Variants in ADAMTSL1 observed in about 807,000 individuals in gnomAD.
The protein encoded by ADAMTSL1 is ADAMTS like 1.
A neutral mutation model predicts 201.8 loss-of-function variants in ADAMTSL1; 126 were observed. The ratio of observed to expected loss-of-function variants is 0.62; its 90% confidence interval spans 0.54 to 0.72. The LOEUF (loss-of-function observed/expected upper bound fraction) is 0.72. Ranked by LOEUF, ADAMTSL1 falls within the 30% of genes least tolerant of loss-of-function variation. The probability of loss-of-function intolerance (pLI) is 0.00; values close to 1 mark genes in which losing one functional copy is unlikely to be tolerated. For synonymous variants in ADAMTSL1, 1,121 were observed against 903.4 expected (o/e 1.24, Z -4.32); for missense variants, 2,679 against 2,277.8 (o/e 1.18, Z -3.59).
rs1260092313 is a variant in ADAMTSL1, at chr9:18,099,349, ATATATATTTTT to A, written c.88-64511_88-64501del. On this transcript the variant is annotated intron_variant, in intron 1 of 29. Transcript: ENST00000680146. ...AAAATATATATATATATATATATAT[ATATATATTTTT>A]TTTTTTTTTTTTAACATCCATTAAT... Among the ~76,000 whole-genome samples, 6 of 49,298 alleles carry A rather than the reference ATATATATTTTT, an allele frequency of 1.2e-4. No individual in the cohort carries two copies. In the South Asian group the frequency reaches 2.8e-3, roughly 23 times the overall value. 32.3% of individuals were successfully genotyped at this position (49,298 alleles called of 152,430 possible).
intron 1 of ADAMTSL1, among the ~76,000 whole-genome samples, chr9:18,149,210 C>T (rs781387121): frequency 2.0e-5 from 3 of 151,814 alleles, no homozygotes; most frequent in Admixed American, 6.6e-5. Context: ...TCAGACTTAC[C>T]GAGATAATGT....
chr9:18,835,140 G>C (rs1825234990), intron 23 of ADAMTSL1, among the ~76,000 whole-genome samples: 1 of 152,048 alleles, frequency 6.6e-6, no homozygotes, highest in Non-Finnish European at 1.5e-5. Context: ...ACTGTAGTTG[G>C]TCTTTTGCAT....
intron 10 of ADAMTSL1, among the ~76,000 whole-genome samples, 178 bp from the exon 11 acceptor site, chr9:18,680,134 T>C (rs1279194888): frequency 1.3e-5 from 2 of 152,224 alleles, no homozygotes; most frequent in Admixed American, 1.3e-4. Context: ...TTTGCCAATG[T>C]TGAATCCTTC....
At chr9:18,107,155 G>T (rs1333454125) in intron 1 of ADAMTSL1, among the ~76,000 whole-genome samples, 1 of 152,138 alleles carries the variant, frequency 6.6e-6, no homozygotes, top group Admixed American at 6.6e-5. Context: ...TGTCATGAGG[G>T]TATAGTGGGC....
At chr9:18,843,514 T>G (rs1825871022) in intron 23 of ADAMTSL1, among the ~76,000 whole-genome samples, 2 of 150,652 alleles carry the variant, frequency 1.3e-5, no homozygotes, top group African/African-American at 5.0e-5. Context: ...TTATGTGTCT[T>G]GGAGTTGCTC....
chr9:18,839,456 CAT>C (rs1825570223), intron 23 of ADAMTSL1, among the ~76,000 whole-genome samples: 1 of 152,074 alleles, frequency 6.6e-6, no homozygotes, highest in Admixed American at 6.6e-5. Flanking sequence ...GGCTTGGTTC[CAT>C]GTCTTTGCTA....
At chr9:18,651,939 C>T (rs1022148021) in intron 7 of ADAMTSL1, among the ~76,000 whole-genome samples, 1 of 148,968 alleles carries the variant, frequency 6.7e-6, no homozygotes, top group African/African-American at 2.4e-5. Flanking sequence ...CTTCATTTAG[C>T]AGATGATTGA....
intron 1 of ADAMTSL1, among the ~76,000 whole-genome samples, chr9:17,946,706 C>T (rs553422657): frequency 2.0e-5 from 3 of 152,216 alleles, no homozygotes; most frequent in African/African-American, 7.2e-5. Flanking sequence ...ATCTTTCATG[C>T]TATTTGAGGA....
At chr9:18,209,550 C>T (rs538769500) in intron 2 of ADAMTSL1, among the ~76,000 whole-genome samples, 3 of 152,048 alleles carry the variant, frequency 2.0e-5, no homozygotes, top group African/African-American at 4.8e-5. Flanking sequence ...AGGGAGGTCC[C>T]GATAAACTTA....
At chr9:18,196,989 T>C (rs1299929840) in intron 2 of ADAMTSL1, among the ~76,000 whole-genome samples, 1 of 152,110 alleles carries the variant, frequency 6.6e-6, no homozygotes, top group African/African-American at 2.4e-5. Context: ...TCTATCTTTG[T>C]CTCATGTTCG....
chr9:18,321,240 TTAA>T (rs1359953921), intron 2 of ADAMTSL1, among the ~76,000 whole-genome samples: 14 of 151,950 alleles, frequency 9.2e-5, no homozygotes, highest in African/African-American at 3.1e-4. Context: ...AATAAAAGAG[TTAA>T]TAAGAAGACA....
intron 1 of ADAMTSL1, among the ~76,000 whole-genome samples, chr9:17,985,772 G>C (rs1021325610): frequency 1.3e-5 from 2 of 152,080 alleles, no homozygotes; most frequent in African/African-American, 4.8e-5. Context: ...AAGATTCATG[G>C]AGGTTCTGAT....
chr9:18,180,964 C>A (rs909189305), intron 2 of ADAMTSL1, among the ~76,000 whole-genome samples: 5 of 152,042 alleles, frequency 3.3e-5, no homozygotes, highest in African/African-American at 9.7e-5. Context: ...CAGAACAGAG[C>A]CCTCAGAAAT....
chr9:18,522,487 ATG>A (rs1249435672), intron 2 of ADAMTSL1, among the ~76,000 whole-genome samples: 1 of 151,888 alleles, frequency 6.6e-6, no homozygotes, highest in Non-Finnish European at 1.5e-5. Flanking sequence ...CATGTGCACA[ATG>A]TGCAGGTTTG....
chr9:17,974,242 C>T (rs1038116971), intron 1 of ADAMTSL1, among the ~76,000 whole-genome samples: 2 of 151,882 alleles, frequency 1.3e-5, no homozygotes, highest in African/African-American at 4.8e-5. Context: ...GCAGTTCTGG[C>T]CAGGGCAATC....
chr9:18,071,015 C>A (rs1563981998), intron 1 of ADAMTSL1, among the ~76,000 whole-genome samples: 1 of 151,982 alleles, frequency 6.6e-6, no homozygotes. Flanking sequence ...AGAAGGAAAG[C>A]AAAGCAAGAA....
At chr9:18,888,464 T>A (rs1829041167) in intron 24 of ADAMTSL1, among the ~76,000 whole-genome samples, 1 of 152,246 alleles carries the variant, frequency 6.6e-6, no homozygotes, top group Admixed American at 6.5e-5. Context: ...CTGATCATTC[T>A]GAAGAGTCTT....
chr9:18,081,651 T>G (rs528826395), intron 1 of ADAMTSL1, among the ~76,000 whole-genome samples: 1 of 152,320 alleles, frequency 6.6e-6, no homozygotes, highest in East Asian at 1.9e-4. Flanking sequence ...AGGAACATAG[T>G]TTTTAAAATT....
At chr9:18,061,520 G>T (rs1822454890) in intron 1 of ADAMTSL1, among the ~76,000 whole-genome samples, 1 of 152,154 alleles carries the variant, frequency 6.6e-6, no homozygotes, top group Admixed American at 6.5e-5. Context: ...AAAGAACTCT[G>T]CAGCTATAAA....
Sources: allele counts gnomAD v4.1 joint callset (sites outside exome capture counted in the v4.1 genomes callset), GRCh38; gene constraint gnomAD v4.1.1; transcripts MANE v1.5; gene names NCBI Gene and HGNC (gene_info 2026-07-23, HGNC 2026-07-21).